The following ZNF254 variants were observed in gnomAD, a reference collection of about 807,000 sequenced individuals.
ZNF254 encodes the protein zinc finger protein 254.
Under a neutral mutation model 12.4 loss-of-function variants are expected in ZNF254, and 10 were observed. That is an observed-to-expected ratio of 0.80 (90% CI 0.50 to 1.36). The LOEUF (loss-of-function observed/expected upper bound fraction) is 1.36, where lower values mean the gene tolerates loss of function less well. Among genes scored for constraint, ZNF254 ranks in the 40% most tolerant of loss-of-function variants. ZNF254 has a pLI of 0.00. For synonymous variants in ZNF254, 305 were observed against 253.4 expected (o/e 1.20, Z -1.93); for missense variants, 996 against 763.9 (o/e 1.30, Z -3.58).
At chr19:24,049,714 G>T (rs1297400002) in intron 2 of ZNF254, among the ~76,000 whole-genome samples, 1 of 151,820 alleles carries the variant, frequency 6.6e-6, no homozygotes, top group African/African-American at 2.4e-5. Context: ...TGACTCTTCT[G>T]CCTGTGCCCT....
exon 1 of ZNF254, chr19:24,033,606 T>C: frequency 2.4e-6 from 1 of 419,598 alleles, no homozygotes. Flanking sequence ...CAGGACATCC[T>C]GGAAGCTGGG....
chr19:24,046,373 T>TTATATATATATATATATA lies in ZNF254; in HGVS notation c.-94+104_-94+121dup, dbSNP rs34508258. 451 of 95,274 alleles carry TTATATATATATATATATA rather than the reference T, an allele frequency of 4.7e-3. 2 individuals carry two copies. The highest frequency in any genetic ancestry group is 0.014 in the East Asian group (54 of 3,982). 5.9% of individuals were successfully genotyped at this position (95,274 alleles called of 1,614,324 possible). A position where few individuals can be genotyped will look rare whatever the true frequency, so the allele number is the denominator to read the frequency against. The stretch of plus-strand genomic sequence containing the variant: ...TTGTCTTCCATTATTTTATTATTTT[T>TTATATATATATATATATA]TATATATATATATATATATATATAT... On this transcript the variant is annotated intron_variant, in intron 2 of 4. Coordinates refer to the ZNF254 transcript ENST00000613065.
rs1319372136 is a variant in ZNF254 at position 24,049,199 on chromosome 19, TATATA to T, written c.-94+2921_-94+2925del. Among the ~76,000 whole-genome samples the T allele has an allele frequency of 3.3e-3, 224 of 67,230 alleles. 6 individuals are homozygous for T. Among genetic ancestry groups the T allele is most frequent in the African/African-American group, 0.013 (200 of 15,228 alleles). 44.1% of individuals were successfully genotyped at this position (67,230 alleles called of 152,430 possible). ...GGCTCTGGTTTTATATATATATATA[TATATA>T]TATATATATATTTTTTTTTTTTTTT... is the stretch of plus-strand genomic sequence containing the variant. On this transcript the variant is annotated intron_variant, in intron 2 of 4. Coordinates refer to the ZNF254 transcript ENST00000613065.
chr19:24,096,335 A>G (rs888107502), intron 1 of ZNF254, among the ~76,000 whole-genome samples: 14 of 152,122 alleles, frequency 9.2e-5, no homozygotes, highest in Non-Finnish European at 1.5e-4. Flanking sequence ...CTGGGATTAC[A>G]GGTATGAGCC....
chr19:24,074,998 T>C (rs1459069977), intron 2 of ZNF254, among the ~76,000 whole-genome samples: 2 of 152,250 alleles, frequency 1.3e-5, no homozygotes, highest in Non-Finnish European at 1.5e-5. Context: ...CTCATTTTTG[T>C]GACTGATCTC....
At position 24,127,170 on chromosome 19, in the gene ZNF254, C is replaced by A. The variant is rs1205660046; in HGVS notation, c.1170C>A (p.Leu390=). ...CLECGKAFKQ[L]STLTTHKIIH... The stretch of plus-strand genomic sequence containing the variant: ...AATGTGGCAAAGCTTTTAAGCAACT[C>A]TCAACTCTTACTACACATAAAATAA... The change falls in exon 4 of 4, where the codon CTC becomes CTA. Residue 390 remains leucine, a synonymous_variant. Coordinates refer to ENST00000357002, the MANE Select transcript of ZNF254 (RefSeq NM_203282.4). 2.5e-6 allele frequency: 4 copies of A among 1,613,326 alleles called. No individual in the cohort carries two copies. Among genetic ancestry groups the A allele is most frequent in the Non-Finnish European group, 2.5e-6 (3 of 1,179,746 alleles).
At chr19:24,115,704 T>G (rs1340846208) in intron 3 of ZNF254, among the ~76,000 whole-genome samples, 1 of 152,032 alleles carries the variant, frequency 6.6e-6, no homozygotes, top group Non-Finnish European at 1.5e-5. Flanking sequence ...TAAATAAAGT[T>G]AATATTGTTA....
chr19:24,041,657 C>G (rs1237588312), intron 1 of ZNF254, among the ~76,000 whole-genome samples: 2 of 152,244 alleles, frequency 1.3e-5, no homozygotes, highest in African/African-American at 4.8e-5. Flanking sequence ...CCCTGCTCCA[C>G]GGCGCCCAGT....
At chr19:24,097,205 C>A (rs1348159809) in intron 1 of ZNF254, among the ~76,000 whole-genome samples, 1 of 151,980 alleles carries the variant, frequency 6.6e-6, no homozygotes, top group Non-Finnish European at 1.5e-5. Flanking sequence ...AGAGATTATT[C>A]TTATGATAGT....
chr19:24,065,590 C>T (rs1247122197), intron 2 of ZNF254: 2 of 152,204 alleles, frequency 1.3e-5, no homozygotes, highest in Non-Finnish European at 2.9e-5. Flanking sequence ...GTGATTGTTA[C>T]ATATGCCTAT....
chr19:24,085,822 AAGTT>A (rs1219436920), upstream of ZNF254, among the ~76,000 whole-genome samples: 1 of 152,108 alleles, frequency 6.6e-6, no homozygotes, highest in Non-Finnish European at 1.5e-5. Context: ...TTGATGAAGA[AAGTT>A]AGAAACATTT....
intron 3 of ZNF254, among the ~76,000 whole-genome samples, chr19:24,123,919 A>G (rs1974655008): frequency 6.6e-6 from 1 of 152,054 alleles, no homozygotes; most frequent in Non-Finnish European, 1.5e-5. Flanking sequence ...AGTTTTTAAA[A>G]TATTTTAATA....
intron 3 of ZNF254, among the ~76,000 whole-genome samples, chr19:24,123,993 C>T (rs1974660495): frequency 6.6e-6 from 1 of 151,820 alleles, no homozygotes; most frequent in Non-Finnish European, 1.5e-5. Flanking sequence ...AAATAATTTT[C>T]TGAAATAGAA....
intron 3 of ZNF254, among the ~76,000 whole-genome samples, chr19:24,120,214 A>G (rs1428976837): frequency 1.3e-5 from 2 of 152,168 alleles, no homozygotes; most frequent in Non-Finnish European, 2.9e-5. Flanking sequence ...TCATGAGAAC[A>G]GCACAGAAAA....
intron 2 of ZNF254, among the ~76,000 whole-genome samples, chr19:24,057,886 G>A (rs1161115289): frequency 6.6e-6 from 1 of 152,132 alleles, no homozygotes; most frequent in East Asian, 1.9e-4. Context: ...CCAAGAATTG[G>A]GGTATATACA....
At position 24,049,196 on chromosome 19, in the gene ZNF254, ATATATATATATATATATATTT is replaced by A. The variant is rs1254213052; in HGVS notation, c.-94+2919_-94+2939del. Reference sequence around the variant, plus strand: ...TCAGGCTCTGGTTTTATATATATATATATATATATATATATATATTTTTTTTTTTTTTTTAATTTATTTATT... The same window carrying A: ...TCAGGCTCTGGTTTTATATATATATATTTTTTTTTTTTTAATTTATTTATT... On this transcript the variant is annotated intron_variant, in intron 2 of 4. Coordinates refer to the ZNF254 transcript ENST00000613065. Among the ~76,000 whole-genome samples the A allele has an allele frequency of 3.5e-5, 2 of 57,712 alleles. 1 individual carries two copies. The highest frequency in any genetic ancestry group is 1.7e-4 in the African/African-American group (2 of 11,802). 37.9% of individuals were successfully genotyped at this position (57,712 alleles called of 152,430 possible).
chr19:24,051,293 G>A (rs1404057909), intron 2 of ZNF254, among the ~76,000 whole-genome samples: 1 of 152,098 alleles, frequency 6.6e-6, no homozygotes, highest in East Asian at 1.9e-4. Context: ...GAGTAGCTGG[G>A]ATTACAGGTA....
At chr19:24,120,078 C>T (rs1974376968) in intron 3 of ZNF254, among the ~76,000 whole-genome samples, 1 of 152,088 alleles carries the variant, frequency 6.6e-6, no homozygotes, top group African/African-American at 2.4e-5. Context: ...TTTCATGTGA[C>T]TGAGGAGTCA....
At chr19:24,094,243 GT>G (rs1190500353) in intron 1 of ZNF254, among the ~76,000 whole-genome samples, 1 of 152,072 alleles carries the variant, frequency 6.6e-6, no homozygotes, top group Non-Finnish European at 1.5e-5. Context: ...CTCTCTTCCT[GT>G]TTAAATGCCT....
Sources: allele counts gnomAD v4.1 joint callset (sites outside exome capture counted in the v4.1 genomes callset), GRCh38; gene constraint gnomAD v4.1.1; transcripts MANE v1.5; gene names NCBI Gene and HGNC (gene_info 2026-07-23, HGNC 2026-07-21).